The following CLDN10 variants were observed in gnomAD, a reference collection of about 807,000 sequenced individuals.
The protein encoded by CLDN10 is claudin 10.
Under a neutral mutation model 22.9 loss-of-function variants are expected in CLDN10, and 15 were observed. The observed-to-expected ratio is 0.65, with a 90% CI of 0.44 to 1.01. CLDN10 has a LOEUF of 1.01. CLDN10 is among the 50% of genes least tolerant of loss of function. The probability of loss-of-function intolerance (pLI) is 0.00; values close to 1 mark genes in which losing one functional copy is unlikely to be tolerated. For missense variants in CLDN10, 247 were observed against 287.8 expected, an observed-to-expected ratio of 0.86 and a Z score of 1.03; for synonymous variants, 114 against 111.4, an observed-to-expected ratio of 1.02 and a Z score of -0.15.
intron 1 of CLDN10, among the ~76,000 whole-genome samples, chr13:95,480,507 T>C (rs898697187): frequency 6.6e-6 from 1 of 152,230 alleles, no homozygotes; most frequent in Non-Finnish European, 1.5e-5. Context: ...TGTGGTCCCC[T>C]GAGCTGGCTG....
At chr13:95,576,828 G>A (rs1351726888) in intron 3 of CLDN10, among the ~76,000 whole-genome samples, 1 of 152,206 alleles carries the variant, frequency 6.6e-6, no homozygotes, top group Non-Finnish European at 1.5e-5. Flanking sequence ...GAACTAACAT[G>A]AAAGCAAAAG....
chr13:95,520,503 A>G (rs12866182), intron 1 of CLDN10, among the ~76,000 whole-genome samples: 15,145 of 152,086 alleles, frequency 0.1, 924 homozygotes, highest in Middle Eastern at 0.13. Flanking sequence ...CCTCCCCAGT[A>G]GCTGGGATTA....
chr13:95,497,782 A>G (rs1182921481), intron 1 of CLDN10, among the ~76,000 whole-genome samples: 2 of 152,208 alleles, frequency 1.3e-5, no homozygotes, highest in Non-Finnish European at 2.9e-5. Flanking sequence ...TAAGTTGCCA[A>G]ACATTTTTCT....
intron 1 of CLDN10, among the ~76,000 whole-genome samples, chr13:95,449,799 A>G (rs1232519910): frequency 6.9e-6 from 1 of 145,448 alleles, no homozygotes; most frequent in Non-Finnish European, 1.5e-5. Context: ...GCTGGAGTGC[A>G]GTGGCACAAC....
chr13:95,570,650 C>G (rs149708081), intron 3 of CLDN10, among the ~76,000 whole-genome samples: 162 of 151,876 alleles, frequency 1.1e-3, no homozygotes, highest in African/African-American at 3.8e-3. Flanking sequence ...CCTTACTCTA[C>G]TGTTATATTA....
In CLDN10 at chr13:95,493,774, G is replaced by T. The variant is rs778328227; in HGVS notation, c.214+59727G>T. 9.4e-4 allele frequency among the ~76,000 whole-genome samples: 143 copies of T among 152,134 alleles called. 1 individual carries two copies. The highest frequency in any genetic ancestry group is 4.1e-3 in the Admixed American group (62 of 15,272). ...GGGGTTTCATCATGTTGGCCAGGCT[G>T]GTCTCAAACTTCTGGCCTCAAGTAT... On this transcript the variant is annotated intron_variant, in intron 1 of 4. Coordinates refer to the CLDN10 transcript ENST00000376873.
intron 1 of CLDN10, among the ~76,000 whole-genome samples, chr13:95,454,323 C>T (rs1201896299): frequency 6.6e-6 from 1 of 152,160 alleles, no homozygotes; most frequent in East Asian, 1.9e-4. Context: ...TGCCTGTAAT[C>T]TCAGCTACTT....
chr13:95,569,570 G>A (rs527410326), intron 3 of CLDN10, among the ~76,000 whole-genome samples: 24 of 151,776 alleles, frequency 1.6e-4, no homozygotes, highest in Non-Finnish European at 2.9e-4. Flanking sequence ...GGCAACAGAG[G>A]GAGTGAGACT....
At chr13:95,520,068 A>T (rs2043209270) in intron 1 of CLDN10, among the ~76,000 whole-genome samples, 1 of 152,200 alleles carries the variant, frequency 6.6e-6, no homozygotes, top group Non-Finnish European at 1.5e-5. Flanking sequence ...GTTTGTTCAG[A>T]TGAACATGCG....
intron 3 of CLDN10, among the ~76,000 whole-genome samples, chr13:95,571,118 A>G (rs2043853064): frequency 6.6e-6 from 1 of 151,980 alleles, no homozygotes; most frequent in South Asian, 2.1e-4. Flanking sequence ...TTCATTTTAG[A>G]AAATACAAAG....
chr13:95,578,165 C>T lies in CLDN10; in HGVS notation c.*151C>T. On this transcript the variant is annotated 3_prime_UTR_variant, in exon 5 of 5. Coordinates refer to ENST00000299339, the MANE Select transcript of CLDN10 (RefSeq NM_006984.5). Reference sequence around the variant, plus strand: ...TGTTGATTGTATGGATGTAAGTGTTCTTACATAGTTAGTTATATACTAATC... The same window carrying T: ...TGTTGATTGTATGGATGTAAGTGTTTTTACATAGTTAGTTATATACTAATC... The T allele has an allele frequency of 1.9e-6, 1 of 536,410 alleles. No individual in the cohort carries two copies. Among genetic ancestry groups the T allele is most frequent in the Non-Finnish European group, 3.3e-6 (1 of 300,098 alleles). 33.2% of individuals were successfully genotyped at this position (536,410 alleles called of 1,614,324 possible).
At chr13:95,532,576 T>C (rs540051585) in intron 1 of CLDN10, among the ~76,000 whole-genome samples, 52 of 151,998 alleles carry the variant, frequency 3.4e-4, no homozygotes, top group African/African-American at 1.2e-3. Flanking sequence ...TGAAAAATGG[T>C]GAGGTAATTT....
At chr13:95,571,806 T>C (rs1275522455) in intron 3 of CLDN10, among the ~76,000 whole-genome samples, 1 of 152,234 alleles carries the variant, frequency 6.6e-6, no homozygotes, top group East Asian at 1.9e-4. Flanking sequence ...TTTGATAATA[T>C]ATGAGTGTAC....
intron 1 of CLDN10, among the ~76,000 whole-genome samples, chr13:95,454,327 G>C (rs1005455563): frequency 6.6e-6 from 1 of 152,104 alleles, no homozygotes; most frequent in Non-Finnish European, 1.5e-5. Flanking sequence ...TGTAATCTCA[G>C]CTACTTGGGA....
intron 1 of CLDN10, among the ~76,000 whole-genome samples, chr13:95,526,498 T>C (rs776060242): frequency 7.9e-5 from 12 of 152,204 alleles, no homozygotes; most frequent in Admixed American, 1.3e-4. Context: ...TAGAGATGGA[T>C]CTCACAGTCA....
chr13:95,450,641 C>A (rs2139077438), intron 1 of CLDN10, among the ~76,000 whole-genome samples: 1 of 152,294 alleles, frequency 6.6e-6, no homozygotes, highest in Non-Finnish European at 1.5e-5. Context: ...ACATAAGGCC[C>A]ATCTGCTGCT....
chr13:95,438,409 C>A (rs887090005), intron 1 of CLDN10, among the ~76,000 whole-genome samples: 2 of 152,146 alleles, frequency 1.3e-5, no homozygotes, highest in Non-Finnish European at 2.9e-5. Context: ...CCTGCCAAGG[C>A]CTTTTTTTCC....
intron 1 of CLDN10, among the ~76,000 whole-genome samples, chr13:95,488,111 A>G (rs968896028): frequency 6.6e-6 from 1 of 151,730 alleles, no homozygotes; most frequent in African/African-American, 2.4e-5. Context: ...CAGCCTCCCA[A>G]GGAGCTGGGA....
intron 1 of CLDN10, among the ~76,000 whole-genome samples, chr13:95,504,310 T>C (rs1056832387): frequency 3.3e-5 from 5 of 152,252 alleles, no homozygotes; most frequent in Admixed American, 3.3e-4. Flanking sequence ...CATTAAGTCC[T>C]CTGCAAGAAA....
Sources: allele counts gnomAD v4.1 joint callset (sites outside exome capture counted in the v4.1 genomes callset), GRCh38; gene constraint gnomAD v4.1.1; transcripts MANE v1.5; gene names NCBI Gene and HGNC (gene_info 2026-07-23, HGNC 2026-07-21).